Variants in JPH2 observed in about 807,000 individuals in gnomAD.
The protein encoded by JPH2 is junctophilin-2.
JPH2 carries 38 observed loss-of-function variants against 55.9 expected under a neutral mutation model. The observed-to-expected ratio is 0.68, with a 90% CI of 0.52 to 0.89. The LOEUF (loss-of-function observed/expected upper bound fraction) is 0.89, where lower values mean the gene tolerates loss of function less well. JPH2 is among the 40% of genes least tolerant of loss of function. The probability of loss-of-function intolerance (pLI) is 0.00; values close to 1 mark genes in which losing one functional copy is unlikely to be tolerated. For missense variants in JPH2, 964 were observed against 1,037.6 expected, an observed-to-expected ratio of 0.93 and a Z score of 0.97; for synonymous variants, 480 against 472.4, an observed-to-expected ratio of 1.02 and a Z score of -0.21.
Position 44,164,827 on chromosome 20 carries a change from C to CTT in JPH2, c.380-4422_380-4421dup, listed in dbSNP as rs71195523. On this transcript the variant is annotated intron_variant, in intron 1 of 5. Transcript: ENST00000372980. The stretch of plus-strand genomic sequence containing the variant: ...CTGAGTTGATGGAAATGTTCTGCAC[C>CTT]TTTTTTTTTTTTTTTTTTGGAGGTC... Among the ~76,000 whole-genome samples, 105 of 133,434 alleles carry CTT rather than the reference C, an allele frequency of 7.9e-4. 1 individual carries two copies. The highest frequency in any genetic ancestry group is 2.0e-3 in the African/African-American group (73 of 35,650). 87.5% of individuals were successfully genotyped at this position (133,434 alleles called of 152,430 possible).
chr20:44,174,688 C>G (rs558758468), intron 1 of JPH2, among the ~76,000 whole-genome samples: 1 of 151,938 alleles, frequency 6.6e-6, no homozygotes, highest in African/African-American at 2.4e-5. Flanking sequence ...GCAGGAGAAT[C>G]GCTTGAACCC....
At chr20:44,126,210 G>C (rs1389576354) in intron 2 of JPH2, among the ~76,000 whole-genome samples, 3 of 145,018 alleles carry the variant, frequency 2.1e-5, no homozygotes, top group African/African-American at 7.8e-5. Flanking sequence ...AAGGAAGAAG[G>C]GGGGGAGGGG....
rs995942709 is a variant in JPH2 at position 44,159,038 on chromosome 20, T to G, written c.1169+580A>C. 6.6e-6 allele frequency among the ~76,000 whole-genome samples: 1 copy of G among 151,590 alleles called. No homozygotes were observed. Among genetic ancestry groups the G allele is most frequent in the Non-Finnish European group, 1.5e-5 (1 of 67,892 alleles). On this transcript the variant is annotated intron_variant, in intron 2 of 5. Transcript: ENST00000372980. The surrounding 1 kb of genome is among the most constrained non-coding windows in gnomAD (Gnocchi z 5.7). ...ATGGATGGGTGATGAGCTGGTTGAG[T>G]AGGTAAAAGGATGAAAAATTGGGTA...
At chr20:44,125,727 A>G (rs2072270710) in intron 2 of JPH2, among the ~76,000 whole-genome samples, 1 of 152,178 alleles carries the variant, frequency 6.6e-6, no homozygotes, top group Non-Finnish European at 1.5e-5. Flanking sequence ...AAGAGGCGGT[A>G]ACTCTGGCCA....
chr20:44,154,968 G>A (rs543210261), intron 2 of JPH2, among the ~76,000 whole-genome samples: 1 of 151,004 alleles, frequency 6.6e-6, no homozygotes, highest in African/African-American at 2.4e-5. Flanking sequence ...CAGTCCCCAG[G>A]CTCACTTCCC....
At chr20:44,147,049 C>T (rs538394805) in intron 2 of JPH2, among the ~76,000 whole-genome samples, 2 of 152,236 alleles carry the variant, frequency 1.3e-5, no homozygotes, top group African/African-American at 4.8e-5. Context: ...TGGGGTGAGA[C>T]ACTAGATGGG....
At chr20:44,117,264 C>T (rs1245937177) in intron 3 of JPH2, among the ~76,000 whole-genome samples, 1 of 151,804 alleles carries the variant, frequency 6.6e-6, no homozygotes, top group Non-Finnish European at 1.5e-5. Context: ...GGTGACAGAG[C>T]GAGACTCCGT....
chr20:44,175,580 G>A (rs1291624744), intron 1 of JPH2, among the ~76,000 whole-genome samples: 1 of 152,166 alleles, frequency 6.6e-6, no homozygotes, highest in Non-Finnish European at 1.5e-5. Flanking sequence ...AGGAGCTGGC[G>A]GCATTTGGGA....
intron 2 of JPH2, among the ~76,000 whole-genome samples, chr20:44,132,347 G>GAC (rs1440487442): frequency 2.8e-4 from 25 of 88,810 alleles, no homozygotes; most frequent in African/African-American, 7.6e-4. Flanking sequence ...AAGGGAGGCA[G>GAC]ACAGACAGAC....
chr20:44,114,739 G>C, intron 5 of JPH2, 43 bp downstream of exon 5: 1 of 1,446,306 alleles, frequency 6.9e-7, no homozygotes. Context: ...AACTCCCCAG[G>C]GGCTCCTGCC....
In JPH2 at chr20:44,178,118, T is replaced by G. The variant is rs1265610153; in HGVS notation, c.379+8209A>C. ...TTAAATATCACATGTCTTCCTTTAG[T>G]AATATCAGATTCTCTCAGGGCCTCT... On this transcript the variant is annotated intron_variant, in intron 1 of 5. Transcript: ENST00000372980. 6 of 720,534 alleles carry G rather than the reference T, an allele frequency of 8.3e-6. No individual in the cohort carries two copies. In the East Asian group the frequency reaches 1.5e-4, roughly 18 times the overall value. 44.6% of individuals were successfully genotyped at this position (720,534 alleles called of 1,614,324 possible).
intron 1 of JPH2, among the ~76,000 whole-genome samples, chr20:44,180,567 G>C (rs1412548600): frequency 6.6e-6 from 1 of 152,004 alleles, no homozygotes; most frequent in East Asian, 1.9e-4. Context: ...TGAACTCCTG[G>C]CTCCAGCAAT....
chr20:44,173,891 C>T (rs1453761435), intron 1 of JPH2, among the ~76,000 whole-genome samples: 1 of 152,140 alleles, frequency 6.6e-6, no homozygotes, highest in Non-Finnish European at 1.5e-5. Context: ...CCAGCCTGGG[C>T]GACTGAGAGA....
In JPH2 at chr20:44,186,973, G is replaced by C; in HGVS notation, c.-268C>G. 1.8e-6 allele frequency: 1 copy of C among 564,350 alleles called. No homozygotes were observed. The highest frequency in any genetic ancestry group is 2.2e-5 in the South Asian group (1 of 45,650). The allele number at this position is 564,350 out of a possible 1,614,324, so 35.0% of individuals were successfully genotyped here. On this transcript the variant is annotated 5_prime_UTR_variant, in exon 1 of 6. Coordinates refer to ENST00000372980, the MANE Select transcript of JPH2 (RefSeq NM_020433.5). ...GCTGGAAAGAAAGCAGGAAGGAAAG[G>C]TTCAAAGTCCCCACAAAGCGTCCCA...
At chr20:44,164,761 G>C (rs1337566757) in intron 1 of JPH2, among the ~76,000 whole-genome samples, 2 of 151,520 alleles carry the variant, frequency 1.3e-5, no homozygotes, top group Admixed American at 1.3e-4. Flanking sequence ...CAGGGGCTGG[G>C]TGTGGAAGGA....
At chr20:44,137,204 G>C (rs1046155348) in intron 2 of JPH2, among the ~76,000 whole-genome samples, 1 of 152,052 alleles carries the variant, frequency 6.6e-6, no homozygotes, top group African/African-American at 2.4e-5. Flanking sequence ...GCCTGCCCAG[G>C]AGCCTGCTGA....
At chr20:44,149,700 A>G (rs1208811838) in intron 2 of JPH2, among the ~76,000 whole-genome samples, 1 of 152,168 alleles carries the variant, frequency 6.6e-6, no homozygotes, top group Non-Finnish European at 1.5e-5. Flanking sequence ...GATTTTGTGC[A>G]GGGCACAGTG....
intron 1 of JPH2, among the ~76,000 whole-genome samples, chr20:44,178,919 G>C (rs2072757524): frequency 6.6e-6 from 1 of 152,156 alleles, no homozygotes; most frequent in South Asian, 2.1e-4. Flanking sequence ...GTGATACCAG[G>C]TACTTACTGC....
At chr20:44,148,960 G>C (rs541821262) in intron 2 of JPH2, among the ~76,000 whole-genome samples, 10 of 151,878 alleles carry the variant, frequency 6.6e-5, no homozygotes, top group Non-Finnish European at 1.3e-4. Flanking sequence ...CCAGCTACTC[G>C]GGAGGCTGAG....
Sources: allele counts gnomAD v4.1 joint callset (sites outside exome capture counted in the v4.1 genomes callset), GRCh38; gene constraint gnomAD v4.1.1; non-coding constraint Gnocchi (gnomAD v3.1); transcripts MANE v1.5; gene names NCBI Gene and HGNC (gene_info 2026-07-23, HGNC 2026-07-21).